Variants in USP45 observed in about 807,000 individuals in gnomAD.
USP45 encodes the protein ubiquitin carboxyl-terminal hydrolase 45.
USP45 carries 89 observed loss-of-function variants against 95.8 expected under a neutral mutation model. The observed-to-expected ratio is 0.93, with a 90% CI of 0.78 to 1.11. USP45 has a LOEUF of 1.11. Among genes scored for constraint, USP45 ranks in the 50% least tolerant of loss-of-function variants. The probability of loss-of-function intolerance (pLI) is 0.00; values close to 1 mark genes in which losing one functional copy is unlikely to be tolerated. For synonymous variants in USP45, 281 were observed against 316.2 expected (o/e 0.89, Z 1.18); for missense variants, 898 against 942.5 (o/e 0.95, Z 0.62).
chr6:99,466,676 G>C lies in USP45; in HGVS notation c.1103C>G (p.Ala368Gly), dbSNP rs368013122. The change falls in exon 11 of 18, where the codon GCA becomes GGA. Residue 368 changes from alanine to glycine, a missense_variant. Physicochemically the swap from Ala to Gly is moderately conservative, Grantham distance 60 (BLOSUM62 0). Transcript: ENST00000500704. ...LTSTVMCEEC[A>G]NISTVKDPFI... is the part of the protein sequence containing the mutation. The stretch of plus-strand genomic sequence containing the variant: ...ATTGAATTCTAAAGTACCTACATTT[G>C]CACATTCTTCACACATGACCGTGCT... 6.2e-7 allele frequency: 1 copy of C among 1,611,494 alleles called. No homozygotes were observed. Among genetic ancestry groups the C allele is most frequent in the Non-Finnish European group, 8.5e-7 (1 of 1,178,248 alleles).
chr6:99,495,142 C>T (rs1413413034), intron 5 of USP45, among the ~76,000 whole-genome samples: 1 of 152,084 alleles, frequency 6.6e-6, no homozygotes, highest in Non-Finnish European at 1.5e-5. Context: ...TCAACTATAC[C>T]CTTTGTACAA....
chr6:99,459,447 C>A (rs565399301), intron 13 of USP45, among the ~76,000 whole-genome samples: 1 of 152,244 alleles, frequency 6.6e-6, no homozygotes, highest in Admixed American at 6.5e-5. Context: ...AATGAACATT[C>A]ACCTACATGT....
intron 13 of USP45, among the ~76,000 whole-genome samples, chr6:99,453,530 A>G (rs1038734842): frequency 3.3e-5 from 5 of 152,238 alleles, no homozygotes; most frequent in Admixed American, 6.5e-5. Flanking sequence ...ACACAAACGA[A>G]AAAGCATCCC....
At chr6:99,508,543 C>G (rs1799038687) in intron 3 of USP45, 67 bp downstream of exon 3, 5 of 1,463,570 alleles carry the variant, frequency 3.4e-6, no homozygotes, top group African/African-American at 1.4e-5. Flanking sequence ...ACCAACAGTC[C>G]AACTCACAAT....
At chr6:99,502,838 T>C (rs1797684986) in intron 5 of USP45, among the ~76,000 whole-genome samples, 1 of 152,200 alleles carries the variant, frequency 6.6e-6, no homozygotes, top group East Asian at 1.9e-4. Context: ...GTCTATCTTT[T>C]CCTCCTGTTC....
chr6:99,442,061 T>C (rs1384629591), intron 15 of USP45, among the ~76,000 whole-genome samples: 6 of 152,192 alleles, frequency 3.9e-5, no homozygotes, highest in Non-Finnish European at 7.3e-5. Flanking sequence ...AATAAGAATG[T>C]GGCTTTGCTG....
intron 13 of USP45, among the ~76,000 whole-genome samples, chr6:99,452,125 G>A (rs530937569): frequency 6.6e-6 from 1 of 152,236 alleles, no homozygotes; most frequent in South Asian, 2.1e-4. Flanking sequence ...CATGGGCAAG[G>A]ACTTCATGTC....
Position 99,461,132 on chromosome 6 carries a change from ATATACT to A in USP45, c.1308+3466_1308+3471del, listed in dbSNP as rs573232538. 4,169 of 984,614 alleles carry A rather than the reference ATATACT, an allele frequency of 4.2e-3. 12 individuals are homozygous for A. Among genetic ancestry groups the A allele is most frequent in the Non-Finnish European group, 4.8e-3 (3,981 of 829,154 alleles). The allele number at this position is 984,614 out of a possible 1,614,324, so 61.0% of individuals were successfully genotyped here. The stretch of plus-strand genomic sequence containing the variant: ...AAAAAAAAAATCTTTCATAAAACTA[ATATACT>A]TATGTGTTGAAGCAACTCAGAGAAC... On this transcript the variant is annotated intron_variant, in intron 13 of 17. Transcript: ENST00000500704.
At chr6:99,468,654 T>C (rs760171565) in intron 9 of USP45, 36 bp from the exon 10 acceptor site, 9 of 1,412,684 alleles carry the variant, frequency 6.4e-6, no homozygotes, top group Non-Finnish European at 7.9e-6. Context: ...GGTCTAATAA[T>C]AGTTAACTCA....
At chr6:99,458,453 G>A (rs1378099591) in intron 13 of USP45, among the ~76,000 whole-genome samples, 1 of 152,222 alleles carries the variant, frequency 6.6e-6, no homozygotes, top group Non-Finnish European at 1.5e-5. Flanking sequence ...CCTGTTTGCA[G>A]ATCCTGCAAT....
chr6:99,503,492 C>A (rs1583439145), intron 5 of USP45, among the ~76,000 whole-genome samples: 1 of 151,976 alleles, frequency 6.6e-6, no homozygotes, highest in Non-Finnish European at 1.5e-5. Flanking sequence ...CTACCGTACC[C>A]GGCTAATTTT....
chr6:99,494,684 A>G (rs1795921011), intron 5 of USP45, among the ~76,000 whole-genome samples: 1 of 152,160 alleles, frequency 6.6e-6, no homozygotes, highest in Non-Finnish European at 1.5e-5. Context: ...ACTTAAAGTC[A>G]GGAGTTCGAG....
At position 99,514,681 on chromosome 6, in the gene USP45, CTT is replaced by C. The variant is rs1562471214; in HGVS notation, c.-11+709_-11+710del. Among the ~76,000 whole-genome samples, 19 of 151,678 alleles carry C rather than the reference CTT, an allele frequency of 1.3e-4. 1 individual carries two copies. In the East Asian group the frequency reaches 3.7e-3, roughly 29 times the overall value. On this transcript the variant is annotated intron_variant, in intron 1 of 17. Transcript: ENST00000500704. ...CCCATATCCTTAAGAAAAAAAAATCCTTTTTTCCTACTCTTGGGCAATTATTT... is the reference window on the plus strand; with the variant it reads ...CCCATATCCTTAAGAAAAAAAAATCCTTTTCCTACTCTTGGGCAATTATTT...
Position 99,445,886 on chromosome 6 carries a change from G to A in USP45, c.1886C>T (p.Ser629Phe), listed in dbSNP as rs1462309680. Residue 629 changes from serine (S) to phenylalanine (F), a missense_variant, in exon 14 of 18, where the codon TCT becomes TTT. Physicochemically the swap from Ser to Phe is radical, Grantham distance 155. Transcript: ENST00000500704. Reference sequence around the variant, plus strand: ...ATTATTCCCCATTAGTAATTCCATAGATGTAAACTGGTAGAGACAGGACTG... The same window carrying A: ...ATTATTCCCCATTAGTAATTCCATAAATGTAAACTGGTAGAGACAGGACTG... ...SIQSCLYQFTSMELLMGNNKL... is the reference protein window; with the variant it reads ...SIQSCLYQFTFMELLMGNNKL... 1.2e-6 allele frequency: 2 copies of A among 1,613,462 alleles called. No individual in the cohort carries two copies. Among genetic ancestry groups the A allele is most frequent in the Non-Finnish European group, 1.7e-6 (2 of 1,179,772 alleles).
intron 1 of USP45, among the ~76,000 whole-genome samples, chr6:99,513,304 A>G (rs7772948): frequency 0.52 from 78,507 of 151,960 alleles, 21,411 homozygotes; most frequent in Middle Eastern, 0.69. Context: ...CATACTATCC[A>G]CAGAGCCATT....
chr6:99,473,272 G>A (rs1171956663), intron 9 of USP45, among the ~76,000 whole-genome samples: 2 of 152,084 alleles, frequency 1.3e-5, no homozygotes, highest in Admixed American at 1.3e-4. Context: ...CGGAGTGGCA[G>A]CTCATGCCTG....
chr6:99,445,863 T>A lies in USP45; in HGVS notation c.1909A>T (p.Asn637Tyr), dbSNP rs755672131. ...GTACAATTCTCACATAGAAGCTTAT[T>A]ATTCCCCATTAGTAATTCCATAGAT... ...FTSMELLMGN[N>Y]KLLCENCTKN... is the part of the protein sequence containing the mutation. Residue 637 changes from asparagine to tyrosine, a missense_variant, in exon 14 of 18, where the codon AAT (asparagine) becomes TAT (tyrosine). Asn to Tyr is a moderately radical substitution (Grantham distance 143, BLOSUM62 -2). Coordinates refer to ENST00000500704, the MANE Select transcript of USP45 (RefSeq NM_001346022.3). 6.2e-7 allele frequency: 1 copy of A among 1,609,608 alleles called. No individual in the cohort carries two copies. The highest frequency in any genetic ancestry group is 8.5e-7 in the Non-Finnish European group (1 of 1,178,952).
chr6:99,510,940 C>T (rs534992956), intron 1 of USP45, among the ~76,000 whole-genome samples: 17 of 152,224 alleles, frequency 1.1e-4, no homozygotes, highest in African/African-American at 4.1e-4. Flanking sequence ...CTGGATGAGC[C>T]ATACTGGATC....
chr6:99,456,132 CGGA>C (rs1562329446), intron 13 of USP45, among the ~76,000 whole-genome samples: 3 of 87,664 alleles, frequency 3.4e-5, no homozygotes, highest in African/African-American at 8.9e-5. Context: ...GACTCTGTCT[CGGA>C]AAAAAAAAAA....
Sources: allele counts gnomAD v4.1 joint callset (sites outside exome capture counted in the v4.1 genomes callset), GRCh38; gene constraint gnomAD v4.1.1; transcripts MANE v1.5; gene names NCBI Gene and HGNC (gene_info 2026-07-23, HGNC 2026-07-21).